ENTPD7: variants seen among roughly 807,000 people sequenced by gnomAD.
The protein encoded by ENTPD7 is NTPDase 7.
A neutral mutation model predicts 77.9 loss-of-function variants in ENTPD7; 53 were observed. The observed-to-expected ratio is 0.68, with a 90% CI of 0.55 to 0.85. The LOEUF is 0.85. Among genes scored for constraint, ENTPD7 ranks in the 40% least tolerant of loss-of-function variants. The probability of loss-of-function intolerance (pLI) is 0.00; values close to 1 mark genes in which losing one functional copy is unlikely to be tolerated. For synonymous variants in ENTPD7, 248 were observed against 274.9 expected, an observed-to-expected ratio of 0.90 and a Z score of 0.97; for missense variants, 636 against 743.7, an observed-to-expected ratio of 0.86 and a Z score of 1.68.
intron 3 of ENTPD7, among the ~76,000 whole-genome samples, chr10:99,665,414 C>CT (rs1403838338): frequency 1.3e-5 from 2 of 152,124 alleles, no homozygotes; most frequent in Non-Finnish European, 2.9e-5. Flanking sequence ...TTCCTGGAAT[C>CT]TTTTTTGGTC....
In ENTPD7 at chr10:99,691,436, T is replaced by A; in HGVS notation, c.761T>A (p.Val254Glu). 1 of 1,614,092 alleles carries A rather than the reference T, an allele frequency of 6.2e-7. No individual in the cohort carries two copies. The highest frequency in any genetic ancestry group is 8.5e-7 in the Non-Finnish European group (1 of 1,179,970). Residue 254 changes from valine (V) to glutamate (E), a missense_variant, in exon 8 of 13, where the codon GTA (valine) becomes GAA (glutamate). Coordinates refer to ENST00000370489, the MANE Select transcript of ENTPD7 (RefSeq NM_020354.5). Reference sequence around the variant, plus strand: ...TTGGCAGCAGGACGGAGAAGGACAGTAGGGATACTGGATATGGGAGGAGCC... The same window carrying A: ...TTGGCAGCAGGACGGAGAAGGACAGAAGGGATACTGGATATGGGAGGAGCC... ...QELAAGRRRT[V>E]GILDMGGASL...
Position 99,659,955 on chromosome 10 carries a change from C to G in ENTPD7, c.-2C>G, listed in dbSNP as rs775312232. The G allele has an allele frequency of 1.2e-6, 2 of 1,614,006 alleles. No individual in the cohort carries two copies. The highest frequency in any genetic ancestry group is 1.7e-6 in the Non-Finnish European group (2 of 1,179,994). ...AGGCGTTGAGACCACCGAAGGGAAC[C>G]CATGGCTAGGTAAGGCTGCACACTT... On this transcript the variant is annotated 5_prime_UTR_variant, in exon 2 of 13. Transcript: ENST00000370489. The surrounding 1 kb of genome is among the most constrained non-coding windows in gnomAD (Gnocchi z 4.1).
At chr10:99,662,769 T>A (rs1435417910) in intron 3 of ENTPD7, among the ~76,000 whole-genome samples, 1 of 152,192 alleles carries the variant, frequency 6.6e-6, no homozygotes, top group Non-Finnish European at 1.5e-5. Flanking sequence ...GACAGATAGA[T>A]CTCCATACTG....
intron 3 of ENTPD7, among the ~76,000 whole-genome samples, chr10:99,662,075 A>G (rs1032622380): frequency 6.6e-6 from 1 of 152,186 alleles, no homozygotes; most frequent in Non-Finnish European, 1.5e-5. Context: ...GTGTCTTTAT[A>G]TAAGTGGGCT....
At chr10:99,685,173 C>A (rs1046598375) in intron 5 of ENTPD7, among the ~76,000 whole-genome samples, 1 of 152,196 alleles carries the variant, frequency 6.6e-6, no homozygotes, top group Non-Finnish European at 1.5e-5. Context: ...AGGAGAATCA[C>A]TTGAACCTGG....
rs764753437 is a variant in ENTPD7 at position 99,679,393 on chromosome 10, C to A, written c.324C>A (p.Asn108Lys). The A allele has an allele frequency of 1.2e-6, 2 of 1,614,044 alleles. No homozygotes were observed. Among genetic ancestry groups the A allele is most frequent in the South Asian group, 1.1e-5 (1 of 91,066 alleles). The part of the protein sequence containing the change: ...FVYFWPRHNG[N>K]PHDLLDIKQM... ...ATTTCTGGCCAAGACATAATGGGAA[C>A]CCCCATGACTTGCTGGACATCAAAC... Residue 108 changes from asparagine to lysine, a missense_variant, in exon 4 of 13, where the codon AAC becomes AAA. By Grantham distance (94) the Asn-to-Lys change is moderately conservative (BLOSUM62 0). Around this residue, in one of 3 missense-constraint regions of ENTPD7, gnomAD observed 486 missense variants for 556.5 expected, o/e 0.87. Transcript: ENST00000370489.
chr10:99,677,115 C>T (rs902362921), intron 3 of ENTPD7, among the ~76,000 whole-genome samples: 2 of 152,046 alleles, frequency 1.3e-5, no homozygotes, highest in African/African-American at 4.8e-5. Flanking sequence ...GAGCGTGATG[C>T]GTGGTTTGTT....
chr10:99,702,433 A>T, intron 11 of ENTPD7, 79 bp from the exon 12 acceptor site: 2 of 1,253,846 alleles, frequency 1.6e-6, no homozygotes, highest in East Asian at 5.3e-5. Context: ...ACTTGTGGGA[A>T]TACGGAGTGG....
chr10:99,665,028 A>G lies in ENTPD7; in HGVS notation c.191+3400A>G, dbSNP rs114023943. Among the ~76,000 whole-genome samples, 494 of 152,022 alleles carry G rather than the reference A, an allele frequency of 3.2e-3. 3 individuals are homozygous for G. The highest frequency in any genetic ancestry group is 0.011 in the African/African-American group (472 of 41,488). On this transcript the variant is annotated intron_variant, in intron 3 of 12. Transcript: ENST00000370489. Reference sequence around the variant, plus strand: ...CACTTTGGGAGGCGGAGGCAGGTGGATTGCACGAGCTCAAGAGTTCGAGAC... The same window carrying G: ...CACTTTGGGAGGCGGAGGCAGGTGGGTTGCACGAGCTCAAGAGTTCGAGAC...
intron 7 of ENTPD7, 69 bp from the exon 8 acceptor site, chr10:99,691,316 T>G: frequency 6.6e-7 from 1 of 1,517,646 alleles, no homozygotes; most frequent in Non-Finnish European, 8.9e-7. Context: ...AAGGGATTGC[T>G]GTTTTGGGGG....
chr10:99,688,431 G>A (rs543448100), intron 6 of ENTPD7, among the ~76,000 whole-genome samples: 16 of 152,076 alleles, frequency 1.1e-4, no homozygotes, highest in Admixed American at 3.9e-4. Context: ...CGATATCTTC[G>A]TGACATTCAG....
In ENTPD7 at chr10:99,696,012, C is replaced by T. The variant is rs1464122094; in HGVS notation, c.900C>T (p.His300=). The T allele has an allele frequency of 6.2e-7, 1 of 1,614,156 alleles. No individual in the cohort carries two copies. Among genetic ancestry groups the T allele is most frequent in the African/African-American group, 1.3e-5 (1 of 75,042 alleles). ...AEFNLGCDVQ[H]TEHVYRVYVT... ...TCAACCTGGGCTGTGATGTGCAACA[C>T]ACTGAACACGTGTACAGGGTTTATG... Residue 300 remains histidine, a synonymous_variant, in exon 9 of 13, where the codon CAC becomes CAT. Transcript: ENST00000370489.
At chr10:99,701,668 T>C (rs2036132807) in intron 11 of ENTPD7, among the ~76,000 whole-genome samples, 1 of 152,082 alleles carries the variant, frequency 6.6e-6, no homozygotes, top group African/African-American at 2.4e-5. Context: ...ACATAAACCC[T>C]CATGTAACTA....
In ENTPD7 at chr10:99,687,259, C is replaced by CTTTCTTTCTTT. The variant is rs1223628237; in HGVS notation, c.652+1367_652+1368insCTTTCTTTTTT. Among the ~76,000 whole-genome samples the CTTTCTTTCTTT allele has an allele frequency of 8.1e-4, 24 of 29,530 alleles. 1 individual carries two copies. Among genetic ancestry groups the CTTTCTTTCTTT allele is most frequent in the Admixed American group, 2.9e-3 (4 of 1,396 alleles). 19.4% of individuals were successfully genotyped at this position (29,530 alleles called of 152,430 possible). ...TTTTCTTTTCTTTCTTTCTTTCTTT[C>CTTTCTTTCTTT]TTTTTTTTTTTTTTTTTTTTTTTTT... On this transcript the variant is annotated intron_variant, in intron 6 of 12. Transcript: ENST00000370489.
In ENTPD7 at chr10:99,698,695, C is replaced by T; in HGVS notation, c.1172C>T (p.Ala391Val). 6.2e-7 allele frequency: 1 copy of T among 1,614,200 alleles called. No homozygotes were observed. Residue 391 changes from alanine (A) to valine (V), a missense_variant, in exon 10 of 13, where the codon GCT (alanine) becomes GTT (valine). By Grantham distance (64) the Ala-to-Val change is moderately conservative. Transcript: ENST00000370489. ...SCGAMLSPLL[A>V]RSNTSQASLN... Reference sequence around the variant, plus strand: ...GGGGCAATGCTGAGCCCCCTGCTGGCTCGCTCCAACACCAGCCAGGCCTCA... The same window carrying T: ...GGGGCAATGCTGAGCCCCCTGCTGGTTCGCTCCAACACCAGCCAGGCCTCA...
Position 99,708,878 on chromosome 10 carries a change from G to C in ENTPD7, c.*4195G>C. On this transcript the variant is annotated 3_prime_UTR_variant, in exon 13 of 13. Transcript: ENST00000370489. ...GCTCATTAACAGAATCTTTCTGCAA[G>C]TATAAACAGAATCTATTTTTTATAA... is the stretch of plus-strand genomic sequence containing the variant. 1 of 985,330 alleles carries C rather than the reference G, an allele frequency of 1.0e-6. No homozygotes were observed. Among genetic ancestry groups the C allele is most frequent in the Non-Finnish European group, 1.2e-6 (1 of 829,892 alleles). 61.0% of individuals were successfully genotyped at this position (985,330 alleles called of 1,614,324 possible).
At chr10:99,682,791 C>A (rs190079772) in intron 5 of ENTPD7, among the ~76,000 whole-genome samples, 1 of 152,192 alleles carries the variant, frequency 6.6e-6, no homozygotes, top group East Asian at 1.9e-4. Flanking sequence ...GAGCAGGTGC[C>A]ACATCACAAA....
At chr10:99,690,473 G>C (rs1349759699) in intron 7 of ENTPD7, among the ~76,000 whole-genome samples, 1 of 151,286 alleles carries the variant, frequency 6.6e-6, no homozygotes, top group Non-Finnish European at 1.5e-5. Context: ...TTTTTGTTCT[G>C]TTATGCTGAA....
intron 3 of ENTPD7, among the ~76,000 whole-genome samples, chr10:99,672,248 G>A (rs1422660950): frequency 6.6e-6 from 1 of 151,344 alleles, no homozygotes; most frequent in African/African-American, 2.4e-5. Flanking sequence ...GCCTCCCAAA[G>A]TGCTGGGATT....
Sources: gnomAD v4.1 joint callset for allele counts (sites outside exome capture counted in the v4.1 genomes callset) on GRCh38, gnomAD v4.1.1 for gene constraint, gnomAD v4.1.1 regional missense constraint, Gnocchi (gnomAD v3.1) non-coding constraint, MANE v1.5 for transcripts, NCBI Gene and HGNC (gene_info 2026-07-23, HGNC 2026-07-21) for gene names.